Variants in CCAR1 observed in about 807,000 individuals in gnomAD.
CCAR1 encodes cell division cycle and apoptosis regulator protein 1.
Under a neutral mutation model 163.8 loss-of-function variants are expected in CCAR1, and 78 were observed. That is an observed-to-expected ratio of 0.48 (90% CI 0.40 to 0.57). The LOEUF (loss-of-function observed/expected upper bound fraction) is 0.57. CCAR1 is among the 20% of genes least tolerant of loss of function. CCAR1 has a pLI of 0.00. For synonymous variants in CCAR1, 443 were observed against 460.7 expected, an observed-to-expected ratio of 0.96 and a Z score of 0.49; for missense variants, 1,019 against 1,365.2, an observed-to-expected ratio of 0.75 and a Z score of 4.00.
At chr10:68,782,738 A>G (rs559040187) in intron 19 of CCAR1, among the ~76,000 whole-genome samples, 3 of 152,300 alleles carry the variant, frequency 2.0e-5, no homozygotes, top group South Asian at 2.1e-4. Flanking sequence ...AAATTGAACA[A>G]AGTGAGAATG....
intron 19 of CCAR1, among the ~76,000 whole-genome samples, 165 bp from the exon 20 acceptor site, chr10:68,785,971 C>A (rs1169074697): frequency 1.3e-5 from 2 of 152,108 alleles, no homozygotes; most frequent in African/African-American, 4.8e-5. Context: ...AAGACAGGGT[C>A]TTGATCTGTC....
chr10:68,723,286 T>C (rs1227429374), intron 2 of CCAR1, among the ~76,000 whole-genome samples: 4 of 143,776 alleles, frequency 2.8e-5, no homozygotes, highest in Non-Finnish European at 6.2e-5. Flanking sequence ...CACGCCCGGC[T>C]AATTTTTTTT....
At chr10:68,729,220 A>G (rs937259414) in intron 2 of CCAR1, among the ~76,000 whole-genome samples, 1 of 151,574 alleles carries the variant, frequency 6.6e-6, no homozygotes, top group African/African-American at 2.4e-5. Context: ...TTAAAGTATT[A>G]TTTTGTAGCC....
At chr10:68,762,310 C>T (rs1327411887) in intron 16 of CCAR1, among the ~76,000 whole-genome samples, 1 of 145,116 alleles carries the variant, frequency 6.9e-6, no homozygotes, top group African/African-American at 2.6e-5. Flanking sequence ...GCCTGGGCGA[C>T]AGAGTGAGAC....
chr10:68,730,109 A>T (rs2056015239), intron 2 of CCAR1, among the ~76,000 whole-genome samples: 1 of 151,546 alleles, frequency 6.6e-6, no homozygotes, highest in Non-Finnish European at 1.5e-5. Context: ...TTTAGTAGAG[A>T]TGGGGTTTTG....
intron 10 of CCAR1, 92 bp downstream of exon 10, chr10:68,749,777 AT>A: frequency 9.1e-7 from 1 of 1,101,704 alleles, no homozygotes; most frequent in Non-Finnish European, 1.3e-6. Flanking sequence ...TGCAAGATTG[AT>A]TTCCCGACAG....
chr10:68,747,127 A>G, intron 6 of CCAR1, 34 bp from the exon 7 acceptor site: 1 of 1,105,610 alleles, frequency 9.0e-7, no homozygotes, highest in Non-Finnish European at 1.3e-6. Flanking sequence ...AATTGTATTT[A>G]TATTTAACTT....
At chr10:68,780,340 G>A (rs2056720802) in intron 19 of CCAR1, among the ~76,000 whole-genome samples, 1 of 152,024 alleles carries the variant, frequency 6.6e-6, no homozygotes, top group Non-Finnish European at 1.5e-5. Context: ...GACTACAGGT[G>A]TGCACCACCA....
At chr10:68,734,533 G>A (rs1383448044) in intron 2 of CCAR1, among the ~76,000 whole-genome samples, 2 of 151,418 alleles carry the variant, frequency 1.3e-5, no homozygotes, top group African/African-American at 4.9e-5. Flanking sequence ...GTCTGACTGT[G>A]TCACCCAGGC....
intron 1 of CCAR1, chr10:68,721,545 G>C (rs997959007): frequency 2.2e-6 from 1 of 447,480 alleles, no homozygotes; most frequent in Non-Finnish European, 4.5e-6. Context: ...GCATGGCGAC[G>C]CTGCAGTCCG....
At chr10:68,760,966 CA>C in intron 15 of CCAR1, 40 bp from the exon 16 acceptor site, 1 of 1,041,918 alleles carries the variant, frequency 9.6e-7, no homozygotes, top group Non-Finnish European at 1.3e-6. Context: ...CGCCCCCCGC[CA>C]CCTTTTTTTT....
intron 2 of CCAR1, among the ~76,000 whole-genome samples, chr10:68,727,432 G>A (rs978776426): frequency 1.3e-5 from 2 of 152,044 alleles, no homozygotes; most frequent in African/African-American, 4.8e-5. Context: ...TCTCACAGGA[G>A]GTCATAGCAG....
Position 68,742,682 on chromosome 10 carries a change from G to A in CCAR1, c.518+113G>A, listed in dbSNP as rs1045575489. 6.1e-6 allele frequency: 5 copies of A among 814,634 alleles called. No individual in the cohort carries two copies. In the Admixed American group the frequency reaches 1.1e-4, roughly 18 times the overall value. 50.5% of individuals were successfully genotyped at this position (814,634 alleles called of 1,614,324 possible). On this transcript the variant is annotated intron_variant, in intron 6 of 24. Coordinates refer to ENST00000265872, the MANE Select transcript of CCAR1 (RefSeq NM_018237.4). Reference sequence around the variant, plus strand: ...GCTGGACACAGTTGTGCAATCTCAAGTCGACTCACTGCAGCCTCTGCCTCC... The same window carrying A: ...GCTGGACACAGTTGTGCAATCTCAAATCGACTCACTGCAGCCTCTGCCTCC...
chr10:68,729,199 A>G (rs2055996156), intron 2 of CCAR1, among the ~76,000 whole-genome samples: 3 of 152,064 alleles, frequency 2.0e-5, no homozygotes, highest in African/African-American at 7.2e-5. Flanking sequence ...AACACTTGTA[A>G]TAGGTTATAT....
chr10:68,740,882 A>T (rs886904117), intron 5 of CCAR1, among the ~76,000 whole-genome samples: 3 of 147,300 alleles, frequency 2.0e-5, no homozygotes, highest in African/African-American at 7.6e-5. Context: ...ATGAGGTTTT[A>T]TTTTATTTAT....
At position 68,736,863 on chromosome 10, in the gene CCAR1, G is replaced by C. The variant is rs776809495; in HGVS notation, c.74-13G>C. 18 of 1,571,010 alleles carry C rather than the reference G, an allele frequency of 1.1e-5. No individual in the cohort carries two copies. Among genetic ancestry groups the C allele is most frequent in the Non-Finnish European group, 1.6e-5 (18 of 1,161,058 alleles). ...TCTTGATTTTTATTTTTTCCTTTTT[G>C]ATTTCATTTTAGCTGCACTGGGTGT... On this transcript the variant is annotated splice_polypyrimidine_tract_variant and intron_variant, in intron 2 of 24. Coordinates refer to ENST00000265872, the MANE Select transcript of CCAR1 (RefSeq NM_018237.4).
intron 19 of CCAR1, among the ~76,000 whole-genome samples, chr10:68,774,508 G>A (rs995189844): frequency 6.6e-6 from 1 of 151,812 alleles, no homozygotes; most frequent in Non-Finnish European, 1.5e-5. Context: ...GCACGCGCCT[G>A]TAATACCAGC....
At chr10:68,755,046 T>C in intron 12 of CCAR1, 1 of 594,130 alleles carries the variant, frequency 1.7e-6, no homozygotes, top group Non-Finnish European at 3.0e-6. Flanking sequence ...TTTTGATGTT[T>C]TATATTTGTA....
chr10:68,728,667 T>C (rs2055985262), intron 2 of CCAR1, among the ~76,000 whole-genome samples: 1 of 152,182 alleles, frequency 6.6e-6, no homozygotes, highest in African/African-American at 2.4e-5. Flanking sequence ...AGAATAGCAC[T>C]GTCCAGGCTG....
Sources: gnomAD v4.1 joint callset for allele counts (sites outside exome capture counted in the v4.1 genomes callset) on GRCh38, gnomAD v4.1.1 for gene constraint, MANE v1.5 for transcripts, NCBI Gene and HGNC (gene_info 2026-07-23, HGNC 2026-07-21) for gene names.